The following ALMS1 variants were observed in gnomAD, a reference collection of about 807,000 sequenced individuals.
ALMS1 encodes centrosome-associated protein ALMS1.
A neutral mutation model predicts 352.2 loss-of-function variants in ALMS1; 271 were observed. That is an observed-to-expected ratio of 0.77 (90% CI 0.70 to 0.85). ALMS1 has a LOEUF of 0.85. Ranked by LOEUF, ALMS1 falls within the 40% of genes least tolerant of loss-of-function variation. ALMS1 has a pLI of 0.00. For missense variants in ALMS1, 5,445 were observed against 4,870.7 expected, an observed-to-expected ratio of 1.12 and a Z score of -3.51; for synonymous variants, 1,865 against 1,761.2, an observed-to-expected ratio of 1.06 and a Z score of -1.48.
At chr2:73,392,887 T>A (rs963751626) in intron 1 of ALMS1, among the ~76,000 whole-genome samples, 2 of 152,184 alleles carry the variant, frequency 1.3e-5, no homozygotes, top group African/African-American at 4.8e-5. Flanking sequence ...TTGGGACATA[T>A]GGAATTCTGT....
intron 13 of ALMS1, among the ~76,000 whole-genome samples, chr2:73,555,871 G>A (rs569707146): frequency 6.6e-6 from 1 of 152,230 alleles, no homozygotes; most frequent in Admixed American, 6.5e-5. Flanking sequence ...ATAATATTGA[G>A]TGAAAAAGTC....
chr2:73,448,423 C>T lies in ALMS1; in HGVS notation c.1896C>T (p.Tyr632=). 2 of 1,613,990 alleles carry T rather than the reference C, an allele frequency of 1.2e-6. No homozygotes were observed. Among genetic ancestry groups the T allele is most frequent in the East Asian group, 2.2e-5 (1 of 44,874 alleles). Residue 632 remains tyrosine (Y), a synonymous_variant, in exon 8 of 23, where the codon TAC becomes TAT. Transcript: ENST00000613296. Reference sequence around the variant, plus strand: ...ATAGAGAGAAGCCTGGTACTTTTTACCAACAAGAGTTACCAGAGAGTAACT... The same window carrying T: ...ATAGAGAGAAGCCTGGTACTTTTTATCAACAAGAGTTACCAGAGAGTAACT... ...YSHREKPGTF[Y]QQELPESNLT...
chr2:73,542,203 G>T (rs1316392002), intron 12 of ALMS1, among the ~76,000 whole-genome samples: 1 of 152,138 alleles, frequency 6.6e-6, no homozygotes, highest in Admixed American at 6.6e-5. Context: ...GGGATGCAAG[G>T]CTGGTTCAAC....
At chr2:73,522,054 C>A (rs1168991783) in intron 11 of ALMS1, among the ~76,000 whole-genome samples, 1 of 151,852 alleles carries the variant, frequency 6.6e-6, no homozygotes, top group African/African-American at 2.4e-5. Context: ...TTTTTCCTTT[C>A]CCGGAAGCAG....
At chr2:73,495,202 T>C (rs990431801) in intron 10 of ALMS1, among the ~76,000 whole-genome samples, 2 of 152,186 alleles carry the variant, frequency 1.3e-5, no homozygotes, top group African/African-American at 4.8e-5. Flanking sequence ...AACTGTTTCA[T>C]TAAAAATCCC....
chr2:73,408,448 CCTAA>C (rs1233579136), intron 1 of ALMS1, among the ~76,000 whole-genome samples, 170 bp from the exon 2 acceptor site: 8 of 152,248 alleles, frequency 5.3e-5, no homozygotes, highest in Middle Eastern at 3.4e-3. Flanking sequence ...TATGCTGTGT[CCTAA>C]CTGAGTAACC....
rs1225814347 is a variant in ALMS1 at position 73,482,262 on chromosome 2, A to C, written c.7675-7372A>C. Among the ~76,000 whole-genome samples the C allele has an allele frequency of 3.3e-5, 5 of 152,300 alleles. No homozygotes were observed. The East Asian group carries it at 9.6e-4, about 29-fold the overall frequency. On this transcript the variant is annotated intron_variant, in intron 9 of 22. Coordinates refer to ENST00000613296, the MANE Select transcript of ALMS1 (RefSeq NM_001378454.1). ...TTTGAAATACGTCCCATCAATACCT[A>C]ATCTATTGAGAGTTTTTAGCATGAA...
chr2:73,484,504 A>G (rs1672783718), intron 9 of ALMS1, among the ~76,000 whole-genome samples: 1 of 151,420 alleles, frequency 6.6e-6, no homozygotes, highest in African/African-American at 2.4e-5. Context: ...GCTGTCCTTA[A>G]CATTTTTTCC....
chr2:73,494,403 A>G (rs1031564658), intron 10 of ALMS1, among the ~76,000 whole-genome samples: 19 of 152,236 alleles, frequency 1.2e-4, no homozygotes, highest in African/African-American at 4.6e-4. Flanking sequence ...CATCATAACC[A>G]TAAAATATTT....
At chr2:73,419,843 A>C (rs1172433249) in intron 3 of ALMS1, among the ~76,000 whole-genome samples, 2 of 152,210 alleles carry the variant, frequency 1.3e-5, no homozygotes, top group Non-Finnish European at 2.9e-5. Context: ...TTAGCTCTTT[A>C]TAAAAGATAA....
At chr2:73,525,500 T>C (rs1673772262) in intron 11 of ALMS1, among the ~76,000 whole-genome samples, 1 of 152,220 alleles carries the variant, frequency 6.6e-6, no homozygotes, top group South Asian at 2.1e-4. Flanking sequence ...CTCATTGTAG[T>C]TTTGCTTTGC....
intron 2 of ALMS1, among the ~76,000 whole-genome samples, chr2:73,409,728 A>G (rs1052773179): frequency 5.3e-5 from 8 of 152,304 alleles, no homozygotes; most frequent in African/African-American, 1.7e-4. Flanking sequence ...CTATCTATTT[A>G]TACACATCTG....
At chr2:73,585,731 T>TG (rs1200399276) in intron 16 of ALMS1, among the ~76,000 whole-genome samples, 11 of 145,834 alleles carry the variant, frequency 7.5e-5, no homozygotes, top group Non-Finnish European at 1.2e-4. Flanking sequence ...TTGGCCTTTT[T>TG]TTTTTTTTTT....
chr2:73,423,036 A>T, intron 4 of ALMS1, 62 bp downstream of exon 4: 1 of 1,428,424 alleles, frequency 7.0e-7, no homozygotes, highest in Non-Finnish European at 9.9e-7. Context: ...TACTAATATT[A>T]GTGACTTCAG....
chr2:73,422,946 C>T lies in ALMS1; in HGVS notation c.736C>T (p.Gln246Ter). ...QEFAPDSLFH[Q>*]SELSFAPLRG... The stretch of plus-strand genomic sequence containing the variant: ...ATTTGCGCCTGATTCTTTATTTCAT[C>T]AAAGTGAACTAAGTTTTGCACCTCT... The change falls in exon 4 of 23, where the codon CAA (glutamine) becomes TAA (stop). Residue 246 changes from glutamine to a stop codon, truncating the protein, a stop_gained. Coordinates refer to ENST00000613296, the MANE Select transcript of ALMS1 (RefSeq NM_001378454.1). LOFTEE classifies it high-confidence loss of function. 6.2e-7 allele frequency: 1 copy of T among 1,613,168 alleles called. No individual in the cohort carries two copies. The highest frequency in any genetic ancestry group is 1.1e-5 in the South Asian group (1 of 91,048).
chr2:73,498,416 A>G (rs1572975833), intron 10 of ALMS1, among the ~76,000 whole-genome samples: 1 of 152,168 alleles, frequency 6.6e-6, no homozygotes, highest in African/African-American at 2.4e-5. Context: ...GTTGCAAACA[A>G]TGCAATTACA....
chr2:73,418,445 C>T (rs529106701), intron 2 of ALMS1, among the ~76,000 whole-genome samples: 17 of 152,316 alleles, frequency 1.1e-4, no homozygotes, highest in Admixed American at 2.6e-4. Context: ...ATCGGCCCAG[C>T]CCTTGCGTGC....
chr2:73,532,123 G>A (rs1293979594), intron 11 of ALMS1, among the ~76,000 whole-genome samples: 1 of 152,226 alleles, frequency 6.6e-6, no homozygotes, highest in Non-Finnish European at 1.5e-5. Flanking sequence ...TCTGTGCTGA[G>A]CTGCTTGGAG....
At position 73,393,941 on chromosome 2, in the gene ALMS1, C is replaced by T. The variant is rs544025169; in HGVS notation, c.324+7749C>T. Among the ~76,000 whole-genome samples, 14 of 152,058 alleles carry T rather than the reference C, an allele frequency of 9.2e-5. 1 individual carries two copies. The South Asian group carries it at 2.9e-3, about 32-fold the overall frequency. Reference sequence around the variant, plus strand: ...GCTCAAGTGGACCTCCTATCTCAGCCTACCAAGTAGCTGGAACTACAGGCA... The same window carrying T: ...GCTCAAGTGGACCTCCTATCTCAGCTTACCAAGTAGCTGGAACTACAGGCA... On this transcript the variant is annotated intron_variant, in intron 1 of 22. Coordinates refer to ENST00000613296, the MANE Select transcript of ALMS1 (RefSeq NM_001378454.1).
Sources: allele counts gnomAD v4.1 joint callset (sites outside exome capture counted in the v4.1 genomes callset), GRCh38; gene constraint gnomAD v4.1.1; transcripts MANE v1.5; gene names NCBI Gene and HGNC (gene_info 2026-07-23, HGNC 2026-07-21).